The following BCL2 variants were observed in gnomAD, a reference collection of about 807,000 sequenced individuals.
BCL2 encodes the protein apoptosis regulator Bcl-2.
In BCL2, 1 loss-of-function variant was observed where a neutral mutation model predicts 14.2. That is an observed-to-expected ratio of 0.07 (90% CI 0.02 to 0.33). BCL2 has a LOEUF of 0.33. Ranked by LOEUF, BCL2 falls within the 10% of genes least tolerant of loss-of-function variation. The pLI, the probability that BCL2 is intolerant of heterozygous loss-of-function variation, is 0.99. For synonymous variants in BCL2, 151 were observed against 137.2 expected, an observed-to-expected ratio of 1.10 and a Z score of -0.70; for missense variants, 247 against 305.9, an observed-to-expected ratio of 0.81 and a Z score of 1.44.
chr18:63,230,604 A>G (rs1387614065), intron 2 of BCL2, among the ~76,000 whole-genome samples: 1 of 152,096 alleles, frequency 6.6e-6, no homozygotes, highest in Non-Finnish European at 1.5e-5. Context: ...GGAAAAAGAA[A>G]GAGCACAAAT....
chr18:63,300,976 A>G (rs1555709333), intron 2 of BCL2, among the ~76,000 whole-genome samples: 1 of 152,190 alleles, frequency 6.6e-6, no homozygotes, highest in Non-Finnish European at 1.5e-5. Context: ...ATGACAACCA[A>G]TTTTTTGAGA....
chr18:63,162,810 T>C (rs1204022838), intron 2 of BCL2, among the ~76,000 whole-genome samples: 1 of 151,812 alleles, frequency 6.6e-6, no homozygotes, highest in African/African-American at 2.4e-5. Context: ...CCTCCTTCCT[T>C]CTTTCCTTCC....
chr18:63,202,736 T>C (rs1452725194), intron 2 of BCL2, among the ~76,000 whole-genome samples: 4 of 152,202 alleles, frequency 2.6e-5, no homozygotes, highest in Admixed American at 6.5e-5. Context: ...CTTAGACAAA[T>C]GGGGATCAGT....
At chr18:63,209,003 T>C (rs937719104) in intron 2 of BCL2, among the ~76,000 whole-genome samples, 6 of 152,204 alleles carry the variant, frequency 3.9e-5, no homozygotes, top group African/African-American at 1.4e-4. Flanking sequence ...CTGGAATTAG[T>C]GTCAGCTCAG....
chr18:63,226,187 A>G (rs1224595332), intron 2 of BCL2, among the ~76,000 whole-genome samples: 1 of 152,130 alleles, frequency 6.6e-6, no homozygotes, highest in Admixed American at 6.5e-5. Flanking sequence ...CTTCTCTCCA[A>G]CGTCCAACTG....
At chr18:63,289,879 C>T (rs190552135) in intron 2 of BCL2, among the ~76,000 whole-genome samples, 15 of 152,122 alleles carry the variant, frequency 9.9e-5, no homozygotes, top group Non-Finnish European at 1.6e-4. Flanking sequence ...GGTGACAGAG[C>T]GAGACTCCAC....
At chr18:63,168,174 G>A (rs1222181674) in intron 2 of BCL2, among the ~76,000 whole-genome samples, 1 of 152,250 alleles carries the variant, frequency 6.6e-6, no homozygotes, top group African/African-American at 2.4e-5. Flanking sequence ...ATGCCTCCTT[G>A]TTCCATCCAT....
At chr18:63,282,107 G>A (rs1045279796) in intron 2 of BCL2, among the ~76,000 whole-genome samples, 1 of 152,058 alleles carries the variant, frequency 6.6e-6, no homozygotes, top group South Asian at 2.1e-4. Context: ...GCCTTTTGTC[G>A]GCTAAAGTGA....
intron 2 of BCL2, among the ~76,000 whole-genome samples, chr18:63,252,989 A>G (rs1212118176): frequency 2.0e-5 from 3 of 152,254 alleles, no homozygotes; most frequent in Non-Finnish European, 4.4e-5. Context: ...TAAAAAGTGA[A>G]TGCACAGACA....
chr18:63,271,893 G>C (rs1337639489), intron 2 of BCL2, among the ~76,000 whole-genome samples: 1 of 152,176 alleles, frequency 6.6e-6, no homozygotes, highest in African/African-American at 2.4e-5. Context: ...AAGATCCCAG[G>C]GTTGATGAAC....
At chr18:63,154,178 C>T (rs995155938) in intron 2 of BCL2, among the ~76,000 whole-genome samples, 1 of 152,138 alleles carries the variant, frequency 6.6e-6, no homozygotes, top group Non-Finnish European at 1.5e-5. Flanking sequence ...GGGTGATCCT[C>T]AACTCCTCCC....
intron 2 of BCL2, among the ~76,000 whole-genome samples, chr18:63,138,465 C>T (rs2144594599): frequency 6.6e-6 from 1 of 152,360 alleles, no homozygotes; most frequent in South Asian, 2.1e-4. Flanking sequence ...AATATTGTTT[C>T]CGGGTTTGGG....
chr18:63,133,319 A>ATTTTTT lies in BCL2; in HGVS notation c.586-4566_586-4561dup, dbSNP rs34022610. Reference sequence around the variant, plus strand: ...CCTTTTCCGTTCAGAACCTTCAAGAATTTTTTTTTTTTTTTTTTTTTGAGA... The same window carrying ATTTTTT: ...CCTTTTCCGTTCAGAACCTTCAAGAATTTTTTTTTTTTTTTTTTTTTTTTTTTGAGA... On this transcript the variant is annotated intron_variant, in intron 2 of 2. Transcript: ENST00000333681. Among the ~76,000 whole-genome samples the ATTTTTT allele has an allele frequency of 9.5e-3, 986 of 103,332 alleles. 79 individuals carry two copies. The highest frequency in any genetic ancestry group is 0.03 in the Middle Eastern group (4 of 134). The allele number at this position is 103,332 out of a possible 152,430, so 67.8% of individuals were successfully genotyped here.
chr18:63,254,277 G>A (rs1911402852), intron 2 of BCL2, among the ~76,000 whole-genome samples: 1 of 150,302 alleles, frequency 6.7e-6, no homozygotes, highest in African/African-American at 2.4e-5. Context: ...CAGGCAAGGT[G>A]GCTCACGTCT....
chr18:63,265,097 C>T (rs184950533), intron 2 of BCL2, among the ~76,000 whole-genome samples: 53 of 152,316 alleles, frequency 3.5e-4, no homozygotes, highest in African/African-American at 1.2e-3. Context: ...GAACTCCAGG[C>T]CTCTCTGTCG....
intron 2 of BCL2, among the ~76,000 whole-genome samples, chr18:63,226,613 T>G (rs1910555204): frequency 6.6e-6 from 1 of 152,160 alleles, no homozygotes; most frequent in African/African-American, 2.4e-5. Flanking sequence ...AAACAAGTTG[T>G]GAAAAAATAC....
In BCL2 at chr18:63,169,293, T is replaced by TTCC. The variant is rs1568222381; in HGVS notation, c.586-40535_586-40534insGGA. 5.2e-4 allele frequency among the ~76,000 whole-genome samples: 48 copies of TTCC among 92,224 alleles called. No individual in the cohort carries two copies. In the East Asian group the frequency reaches 9.5e-3, roughly 18 times the overall value. The allele number at this position is 92,224 out of a possible 152,430, so 60.5% of individuals were successfully genotyped here. A position where few individuals can be genotyped will look rare whatever the true frequency, so the allele number is the denominator to read the frequency against. ...CTTTCTTTCTTTCTTTCTTTCTTTC[T>TTCC]TTCTTTCTTTCTTTCTTCCTTCCTT... On this transcript the variant is annotated intron_variant, in intron 2 of 2. Transcript: ENST00000333681.
intron 2 of BCL2, among the ~76,000 whole-genome samples, chr18:63,154,844 T>C (rs1001696581): frequency 6.6e-6 from 1 of 152,218 alleles, no homozygotes; most frequent in African/African-American, 2.4e-5. Flanking sequence ...GCTGTGTGCA[T>C]GTTTGCAGAA....
intron 2 of BCL2, among the ~76,000 whole-genome samples, chr18:63,187,089 C>A (rs1915609118): frequency 6.6e-6 from 1 of 152,174 alleles, no homozygotes; most frequent in African/African-American, 2.4e-5. Flanking sequence ...AGGAAGTTAT[C>A]GTTTCATTCT....
Sources: allele counts gnomAD v4.1 joint callset (sites outside exome capture counted in the v4.1 genomes callset), GRCh38; gene constraint gnomAD v4.1.1; transcripts MANE v1.5; gene names NCBI Gene and HGNC (gene_info 2026-07-23, HGNC 2026-07-21).